CSMD1: variants seen among roughly 807,000 people sequenced by gnomAD.
CSMD1 encodes the protein CUB and Sushi multiple domains 1.
A neutral mutation model predicts 417.5 loss-of-function variants in CSMD1; 213 were observed. The observed-to-expected ratio is 0.51, with a 90% CI of 0.46 to 0.57. The LOEUF is 0.57. Ranked by LOEUF, CSMD1 falls within the 20% of genes least tolerant of loss-of-function variation. The pLI, the probability that CSMD1 is intolerant of heterozygous loss-of-function variation, is 0.00. For missense variants in CSMD1, 6,923 were observed against 4,529.7 expected, an observed-to-expected ratio of 1.53 and a Z score of -15.17; for synonymous variants, 2,862 against 1,736.8, an observed-to-expected ratio of 1.65 and a Z score of -16.11.
At chr8:2,952,867 A>T (rs972491535) in intron 65 of CSMD1, among the ~76,000 whole-genome samples, 1 of 152,186 alleles carries the variant, frequency 6.6e-6, no homozygotes, top group Non-Finnish European at 1.5e-5. Context: ...ACCACGAGTC[A>T]TGTGGCAGAG....
intron 2 of CSMD1, among the ~76,000 whole-genome samples, chr8:4,593,347 C>T (rs1287704839): frequency 6.6e-6 from 1 of 152,088 alleles, no homozygotes. Context: ...TGGCTAAATC[C>T]TTGTTATTGT....
At chr8:3,478,581 G>A (rs1240876021) in intron 11 of CSMD1, among the ~76,000 whole-genome samples, 1 of 152,106 alleles carries the variant, frequency 6.6e-6, no homozygotes, top group African/African-American at 2.4e-5. Context: ...GGTGACTTGT[G>A]GCCGATCACA....
At chr8:3,136,246 T>TC (rs1818078337) in intron 41 of CSMD1, among the ~76,000 whole-genome samples, 1 of 151,270 alleles carries the variant, frequency 6.6e-6, no homozygotes, top group Non-Finnish European at 1.5e-5. Flanking sequence ...ACCAAGCCTT[T>TC]TTTTTTTCTT....
chr8:4,675,005 C>G (rs1297189582), intron 1 of CSMD1, among the ~76,000 whole-genome samples: 2 of 152,154 alleles, frequency 1.3e-5, no homozygotes, highest in African/African-American at 4.8e-5. Context: ...AAGAAGAGAG[C>G]CTTCCCCAGG....
chr8:4,974,081 T>C (rs1374604237), intron 1 of CSMD1, among the ~76,000 whole-genome samples: 1 of 152,174 alleles, frequency 6.6e-6, no homozygotes, highest in Non-Finnish European at 1.5e-5. Flanking sequence ...AGAGTAGTGG[T>C]GCGATCTTGG....
At chr8:3,291,435 G>A (rs932099313) in intron 25 of CSMD1, among the ~76,000 whole-genome samples, 1 of 152,074 alleles carries the variant, frequency 6.6e-6, no homozygotes, top group Admixed American at 6.6e-5. Context: ...GGCAGAATTG[G>A]ACTGTGAATC....
At position 3,308,413 on chromosome 8, in the gene CSMD1, A is replaced by T. The variant is rs754033951; in HGVS notation, c.3722T>A (p.Leu1241Gln). ...DEGHFTDTVV[L>Q]YSCNPGYAMH... is the part of the protein sequence containing the mutation. ...GGCGTACCCCGGGTTGCAACTGTAC[A>T]GAACTACAGTGTCGGTAAAGTGGCC... Residue 1241 changes from leucine to glutamine, a missense_variant, in exon 24 of 70, where the codon CTG becomes CAG. Leu to Gln is a moderately radical substitution (Grantham distance 113). Coordinates refer to ENST00000635120, the MANE Select transcript of CSMD1 (RefSeq NM_033225.6). 1 of 1,613,612 alleles carries T rather than the reference A, an allele frequency of 6.2e-7. No homozygotes were observed. Among genetic ancestry groups the T allele is most frequent in the Non-Finnish European group, 8.5e-7 (1 of 1,179,556 alleles).
chr8:3,298,447 C>T (rs1292623566), intron 25 of CSMD1, among the ~76,000 whole-genome samples: 1 of 150,528 alleles, frequency 6.6e-6, no homozygotes, highest in Non-Finnish European at 1.5e-5. Flanking sequence ...ATTAATAAAA[C>T]TGTACAATCT....
intron 1 of CSMD1, among the ~76,000 whole-genome samples, chr8:4,925,051 TTAAA>T (rs1806761059): frequency 6.6e-6 from 1 of 152,100 alleles, no homozygotes; most frequent in African/African-American, 2.4e-5. Flanking sequence ...ACTACATACC[TTAAA>T]TAGTTTGGGT....
At chr8:3,250,265 G>A (rs1800166527) in intron 26 of CSMD1, among the ~76,000 whole-genome samples, 1 of 152,002 alleles carries the variant, frequency 6.6e-6, no homozygotes, top group African/African-American at 2.4e-5. Flanking sequence ...GTGTCCATGT[G>A]TACTCATTGT....
chr8:3,933,655 A>C (rs1458999293), intron 5 of CSMD1, among the ~76,000 whole-genome samples: 2 of 152,226 alleles, frequency 1.3e-5, no homozygotes, highest in African/African-American at 4.8e-5. Flanking sequence ...GATTTCAGAA[A>C]AACAGTTATT....
At chr8:4,758,798 G>A (rs1488641703) in intron 1 of CSMD1, among the ~76,000 whole-genome samples, 1 of 152,134 alleles carries the variant, frequency 6.6e-6, no homozygotes, top group African/African-American at 2.4e-5. Context: ...CAGCATGGGA[G>A]AACCTTCCCC....
intron 1 of CSMD1, among the ~76,000 whole-genome samples, chr8:4,915,651 C>T (rs1029412155): frequency 6.6e-6 from 1 of 152,184 alleles, no homozygotes; most frequent in African/African-American, 2.4e-5. Context: ...ACACCCAGAC[C>T]TCGGACGAGG....
At chr8:4,889,286 T>C (rs1803953226) in intron 1 of CSMD1, among the ~76,000 whole-genome samples, 1 of 152,068 alleles carries the variant, frequency 6.6e-6, no homozygotes, top group Non-Finnish European at 1.5e-5. Context: ...CTAAATTGAA[T>C]CATGAGGAAA....
intron 2 of CSMD1, among the ~76,000 whole-genome samples, chr8:4,542,836 AT>A (rs1797456266): frequency 6.6e-6 from 1 of 152,210 alleles, no homozygotes; most frequent in African/African-American, 2.4e-5. Flanking sequence ...ATATTTGTAA[AT>A]AAAGAAAAAA....
chr8:3,354,100 T>C (rs1256134108), intron 21 of CSMD1, among the ~76,000 whole-genome samples: 1 of 152,204 alleles, frequency 6.6e-6, no homozygotes, highest in African/African-American at 2.4e-5. Flanking sequence ...TTCGGCAAGG[T>C]CATTTTATTG....
chr8:3,997,242 G>A (rs1412102251), intron 5 of CSMD1, among the ~76,000 whole-genome samples: 2 of 152,134 alleles, frequency 1.3e-5, no homozygotes, highest in African/African-American at 4.8e-5. Context: ...CTCTCAAATG[G>A]CACTTATGGA....
chr8:4,975,659 G>A lies in CSMD1; in HGVS notation c.85+18673C>T, dbSNP rs73497739. 4.1e-3 allele frequency among the ~76,000 whole-genome samples: 623 copies of A among 152,314 alleles called. 5 individuals carry two copies. The highest frequency in any genetic ancestry group is 0.014 in the African/African-American group (577 of 41,564). On this transcript the variant is annotated intron_variant, in intron 1 of 69. Coordinates refer to ENST00000635120, the MANE Select transcript of CSMD1 (RefSeq NM_033225.6). ...AAAACAGGTGTTACTCTGAAGTGAGGTAACGGTAATTCAAGAAGTAGGCAA... is the reference window on the plus strand; with the variant it reads ...AAAACAGGTGTTACTCTGAAGTGAGATAACGGTAATTCAAGAAGTAGGCAA...
chr8:3,988,636 A>C (rs1358703707), intron 5 of CSMD1, among the ~76,000 whole-genome samples: 2 of 152,208 alleles, frequency 1.3e-5, no homozygotes, highest in East Asian at 3.9e-4. Flanking sequence ...TAATAGATAA[A>C]TATGTACTTC....
Sources: gnomAD v4.1 joint callset for allele counts (sites outside exome capture counted in the v4.1 genomes callset) on GRCh38, gnomAD v4.1.1 for gene constraint, MANE v1.5 for transcripts, NCBI Gene and HGNC (gene_info 2026-07-23, HGNC 2026-07-21) for gene names.